Variants in MVB12B observed in about 807,000 individuals in gnomAD.
MVB12B encodes multivesicular body subunit 12B.
Under a neutral mutation model 41.6 loss-of-function variants are expected in MVB12B, and 16 were observed. The ratio of observed to expected loss-of-function variants is 0.38; its 90% confidence interval spans 0.26 to 0.58. The LOEUF (loss-of-function observed/expected upper bound fraction) is 0.58. Ranked by LOEUF, MVB12B falls within the 20% of genes least tolerant of loss-of-function variation. MVB12B has a pLI of 0.62. For synonymous variants in MVB12B, 133 were observed against 139.7 expected, an observed-to-expected ratio of 0.95 and a Z score of 0.34; for missense variants, 274 against 380.2, an observed-to-expected ratio of 0.72 and a Z score of 2.32.
chr9:126,409,708 C>T (rs980578761), intron 6 of MVB12B, among the ~76,000 whole-genome samples: 1 of 152,210 alleles, frequency 6.6e-6, no homozygotes, highest in African/African-American at 2.4e-5. Flanking sequence ...CAGGCAACCT[C>T]CCCTGCGGAG....
Position 126,417,634 on chromosome 9 carries a change from C to T in MVB12B, c.663-4220C>T, listed in dbSNP as rs147703818. Reference sequence around the variant, plus strand: ...ACACTTGATTTGGTCAACAAATGGTCAGTAATTGTCTACCCTGTGACAAAA... The same window carrying T: ...ACACTTGATTTGGTCAACAAATGGTTAGTAATTGTCTACCCTGTGACAAAA... On this transcript the variant is annotated intron_variant, in intron 6 of 9. Coordinates refer to ENST00000361171, the MANE Select transcript of MVB12B (RefSeq NM_033446.3). Among the ~76,000 whole-genome samples, 4 of 152,324 alleles carry T rather than the reference C, an allele frequency of 2.6e-5. No individual in the cohort carries two copies. In the East Asian group the frequency reaches 7.7e-4, roughly 29 times the overall value.
Position 126,395,689 on chromosome 9 carries a change from C to A in MVB12B, c.654C>A (p.Asn218Lys). The change falls in exon 6 of 10, where the codon AAC becomes AAA. Residue 218 changes from asparagine to lysine, a missense_variant. Coordinates refer to ENST00000361171, the MANE Select transcript of MVB12B (RefSeq NM_033446.3). The surrounding 1 kb of genome is among the most constrained non-coding windows in gnomAD (Gnocchi z 4.9). ...QSSAASTPAPNLPRHISLTLP... is the reference protein window; with the variant it reads ...QSSAASTPAPKLPRHISLTLP... ...CAGCTGCCTCCACCCCAGCCCCCAA[C>A]CTTCCCAGGTGAGGCCTTGTCGGGG... The A allele has an allele frequency of 1.2e-6, 2 of 1,614,088 alleles. No individual in the cohort carries two copies. Among genetic ancestry groups the A allele is most frequent in the Non-Finnish European group, 1.7e-6 (2 of 1,179,974 alleles).
chr9:126,400,469 AC>A (rs1178909059), intron 6 of MVB12B, among the ~76,000 whole-genome samples: 3 of 152,190 alleles, frequency 2.0e-5, no homozygotes, highest in Non-Finnish European at 4.4e-5. Flanking sequence ...CTGCAGGAGA[AC>A]TAGAGCAATC....
At chr9:126,336,980 G>A (rs1426358777) in intron 1 of MVB12B, among the ~76,000 whole-genome samples, 1 of 152,170 alleles carries the variant, frequency 6.6e-6, no homozygotes, top group Non-Finnish European at 1.5e-5. Flanking sequence ...CTGAGTCCCT[G>A]GCATCCTACC....
chr9:126,481,475 G>T (rs1239976521), intron 8 of MVB12B, 51 bp downstream of exon 8: 1 of 1,364,698 alleles, frequency 7.3e-7, no homozygotes, highest in African/African-American at 1.4e-5. Flanking sequence ...CCAGCCTGAG[G>T]TCCCTCCATC....
intron 7 of MVB12B, among the ~76,000 whole-genome samples, chr9:126,450,554 G>T (rs931325648): frequency 1.4e-4 from 21 of 152,204 alleles, no homozygotes; most frequent in Admixed American, 1.4e-3. Context: ...ATTTGATAGG[G>T]CTGGTGGGGA....
chr9:126,413,803 T>G (rs1192487548), intron 6 of MVB12B, among the ~76,000 whole-genome samples: 1 of 149,008 alleles, frequency 6.7e-6, no homozygotes, highest in Non-Finnish European at 1.5e-5. Flanking sequence ...TCTGGAATCC[T>G]GTGAACCCCA....
At chr9:126,366,821 G>T (rs978196712) in intron 2 of MVB12B, among the ~76,000 whole-genome samples, 2 of 152,060 alleles carry the variant, frequency 1.3e-5, no homozygotes, top group African/African-American at 4.8e-5. Flanking sequence ...CTGACTCCAC[G>T]CAGCCAGCCT....
At chr9:126,361,633 C>A (rs1179319365) in intron 2 of MVB12B, among the ~76,000 whole-genome samples, 2 of 151,986 alleles carry the variant, frequency 1.3e-5, no homozygotes, top group Non-Finnish European at 1.5e-5. Context: ...GTGATATATT[C>A]TCTCAGCTTT....
chr9:126,412,511 C>T (rs958544907), intron 6 of MVB12B, among the ~76,000 whole-genome samples: 4 of 152,230 alleles, frequency 2.6e-5, no homozygotes, highest in African/African-American at 9.6e-5. Context: ...AGCACCACCA[C>T]GCTGGATGCT....
At chr9:126,481,144 G>C (rs955380828) in intron 7 of MVB12B, 1 of 573,870 alleles carries the variant, frequency 1.7e-6, no homozygotes, top group Non-Finnish European at 3.1e-6. Context: ...CAACTGCCTG[G>C]TGCTCAGGGG....
At chr9:126,398,636 G>T (rs1317066884) in intron 6 of MVB12B, among the ~76,000 whole-genome samples, 4 of 152,216 alleles carry the variant, frequency 2.6e-5, no homozygotes, top group African/African-American at 9.6e-5. Flanking sequence ...CGTGGATCGG[G>T]CCTCTGGGAG....
intron 7 of MVB12B, among the ~76,000 whole-genome samples, chr9:126,433,295 G>A (rs1201313722): frequency 6.9e-6 from 1 of 145,684 alleles, no homozygotes; most frequent in Non-Finnish European, 1.5e-5. Flanking sequence ...GCCAGGAAAG[G>A]GGATACACCA....
chr9:126,418,168 G>T (rs1019080612), intron 6 of MVB12B, among the ~76,000 whole-genome samples: 3 of 151,794 alleles, frequency 2.0e-5, no homozygotes, highest in South Asian at 4.2e-4. Context: ...AGTTGGCGGG[G>T]TGGGGGGTGG....
intron 6 of MVB12B, among the ~76,000 whole-genome samples, chr9:126,416,337 T>C (rs1017268443): frequency 7.2e-5 from 11 of 152,186 alleles, no homozygotes; most frequent in Non-Finnish European, 1.6e-4. Flanking sequence ...CCAAAGGCCA[T>C]GTGACTCCCT....
chr9:126,337,244 G>A (rs554048084), intron 1 of MVB12B, among the ~76,000 whole-genome samples: 46 of 152,156 alleles, frequency 3.0e-4, no homozygotes, highest in African/African-American at 1.1e-3. Context: ...TGCTCGCACC[G>A]TGCCATAGAT....
chr9:126,370,032 G>A (rs1347999419), intron 2 of MVB12B, among the ~76,000 whole-genome samples: 1 of 152,086 alleles, frequency 6.6e-6, no homozygotes, highest in Non-Finnish European at 1.5e-5. Flanking sequence ...TTTTCAAGGG[G>A]TATAGAATTA....
intron 1 of MVB12B, among the ~76,000 whole-genome samples, chr9:126,334,378 T>C (rs934954001): frequency 6.6e-6 from 1 of 152,198 alleles, no homozygotes; most frequent in African/African-American, 2.4e-5. Context: ...GGTAGAATGA[T>C]TAGATGACCA....
intron 7 of MVB12B, among the ~76,000 whole-genome samples, chr9:126,441,911 ATAAC>A (rs1832650756): frequency 6.6e-6 from 1 of 152,238 alleles, no homozygotes; most frequent in African/African-American, 2.4e-5. Flanking sequence ...ATTATGCAGA[ATAAC>A]TAAATTATAT....
Sources: gnomAD v4.1 joint callset for allele counts (sites outside exome capture counted in the v4.1 genomes callset) on GRCh38, gnomAD v4.1.1 for gene constraint, Gnocchi (gnomAD v3.1) non-coding constraint, MANE v1.5 for transcripts, NCBI Gene and HGNC (gene_info 2026-07-23, HGNC 2026-07-21) for gene names.